C1GALT1: variants seen among roughly 807,000 people sequenced by gnomAD.
The protein encoded by C1GALT1 is core 1 synthase, glycoprotein-N-acetylgalactosamine 3-beta-galactosyltransferase 1, also known as glycoprotein-N-acetylgalactosamine 3-beta-galactosyltransferase 1.
C1GALT1 carries 11 observed loss-of-function variants against 31.0 expected under a neutral mutation model. The ratio of observed to expected loss-of-function variants is 0.36; its 90% confidence interval spans 0.22 to 0.59. The LOEUF (loss-of-function observed/expected upper bound fraction) is 0.59. Ranked by LOEUF, C1GALT1 falls within the 20% of genes least tolerant of loss-of-function variation. C1GALT1 has a pLI of 0.79. For missense variants in C1GALT1, 424 were observed against 425.2 expected, an observed-to-expected ratio of 1.00 and a Z score of 0.03; for synonymous variants, 175 against 143.6, an observed-to-expected ratio of 1.22 and a Z score of -1.56.
rs535824694 is a variant in C1GALT1 at position 7,242,379 on chromosome 7, A to G, written c.889-1145A>G. ...AAGAGTAGGTTGTCTAAGAATCTAC[A>G]TATCCAGTGTGTGTTTCAAAGGAAA... On this transcript the variant is annotated intron_variant, in intron 3 of 3. Transcript: ENST00000436587. 3.5e-4 allele frequency among the ~76,000 whole-genome samples: 54 copies of G among 152,154 alleles called. 1 individual carries two copies. The South Asian group carries it at 8.3e-3, about 23-fold the overall frequency.
chr7:7,212,486 G>C (rs758537163), intron 1 of C1GALT1, among the ~76,000 whole-genome samples: 2 of 152,184 alleles, frequency 1.3e-5, no homozygotes, highest in Non-Finnish European at 2.9e-5. Context: ...ATTACAGTTA[G>C]TCTCCAAATT....
chr7:7,215,068 C>T (rs1004491474), intron 1 of C1GALT1, among the ~76,000 whole-genome samples: 1 of 152,190 alleles, frequency 6.6e-6, no homozygotes, highest in African/African-American at 2.4e-5. Context: ...AGAAGACAGC[C>T]ACCATTGTAA....
chr7:7,231,063 C>T (rs927288298), intron 1 of C1GALT1, among the ~76,000 whole-genome samples: 8 of 152,058 alleles, frequency 5.3e-5, no homozygotes, highest in East Asian at 3.8e-4. Context: ...GTGATAAATT[C>T]ACTTAGGTTT....
intron 1 of C1GALT1, among the ~76,000 whole-genome samples, chr7:7,216,389 C>T (rs1204051771): frequency 6.6e-6 from 1 of 152,056 alleles, no homozygotes; most frequent in Non-Finnish European, 1.5e-5. Flanking sequence ...TCTGGATGAA[C>T]TAAGTAATGG....
intron 1 of C1GALT1, among the ~76,000 whole-genome samples, chr7:7,185,224 C>T (rs141341918): frequency 2.0e-5 from 3 of 152,074 alleles, no homozygotes; most frequent in Non-Finnish European, 2.9e-5. Context: ...ATTGAAGGGG[C>T]GTGTTGGGGG....
chr7:7,170,614 C>A (rs1780443178), intron 2 of C1GALT1, among the ~76,000 whole-genome samples: 1 of 152,138 alleles, frequency 6.6e-6, no homozygotes, highest in African/African-American at 2.4e-5. Flanking sequence ...GAAACCCCAT[C>A]TCTACTAAAA....
intron 1 of C1GALT1, among the ~76,000 whole-genome samples, chr7:7,227,548 G>GTCTC (rs1782826059): frequency 6.6e-6 from 1 of 151,872 alleles, no homozygotes; most frequent in African/African-American, 2.4e-5. Flanking sequence ...GTGAAACCCC[G>GTCTC]TCTCTACTAA....
rs1158225294 is a variant in C1GALT1 at position 7,245,802 on chromosome 7, G to A, written c.*2075G>A. 2 of 152,136 alleles carry A rather than the reference G, an allele frequency of 1.3e-5. No homozygotes were observed. Among genetic ancestry groups the A allele is most frequent in the African/African-American group, 2.4e-5 (1 of 41,428 alleles). 9.4% of individuals were successfully genotyped at this position (152,136 alleles called of 1,614,324 possible). A position where few individuals can be genotyped will look rare whatever the true frequency, so the allele number is the denominator to read the frequency against. On this transcript the variant is annotated 3_prime_UTR_variant, in exon 4 of 4. Coordinates refer to ENST00000436587, the MANE Select transcript of C1GALT1 (RefSeq NM_020156.5). ...AAATGAATATTGTGATGAATCCTGGGCTCTAGAGTCAGACTTGCTTGGGTT... is the reference window on the plus strand; with the variant it reads ...AAATGAATATTGTGATGAATCCTGGACTCTAGAGTCAGACTTGCTTGGGTT...
intron 2 of C1GALT1, among the ~76,000 whole-genome samples, chr7:7,162,516 T>C (rs1780345330): frequency 6.6e-6 from 1 of 151,882 alleles, no homozygotes. Context: ...AGTCTATCAT[T>C]GTTGGACATT....
At chr7:7,163,205 A>C (rs1481456060) in intron 2 of C1GALT1, among the ~76,000 whole-genome samples, 10 of 152,186 alleles carry the variant, frequency 6.6e-5, no homozygotes, top group Non-Finnish European at 1.3e-4. Context: ...CTATGTCCTG[A>C]ATGGTAATGC....
Position 7,244,009 on chromosome 7 carries a change from G to T in C1GALT1, c.*282G>T. ...GAGGAACTAGAAAAGAGATTTTGTT[G>T]CCTGTTTTCTGACCATCTGTGTTAT... On this transcript the variant is annotated 3_prime_UTR_variant, in exon 4 of 4. Transcript: ENST00000436587. 4.7e-6 allele frequency: 1 copy of T among 210,568 alleles called. No homozygotes were observed. The highest frequency in any genetic ancestry group is 9.4e-6 in the Non-Finnish European group (1 of 106,846). The allele number at this position is 210,568 out of a possible 1,614,324, so 13.0% of individuals were successfully genotyped here.
At chr7:7,184,107 T>C (rs1219436373) in intron 1 of C1GALT1, among the ~76,000 whole-genome samples, 2 of 152,144 alleles carry the variant, frequency 1.3e-5, no homozygotes, top group Non-Finnish European at 2.9e-5. Context: ...ATGCCCATGA[T>C]GCTGTATGTT....
chr7:7,224,284 GTCTT>G (rs1282731851), intron 1 of C1GALT1, among the ~76,000 whole-genome samples: 1 of 149,976 alleles, frequency 6.7e-6, no homozygotes, highest in African/African-American at 2.5e-5. Context: ...TTTTTGTACT[GTCTT>G]TGTTGGATTT....
At chr7:7,195,364 G>C (rs1177477667) in intron 1 of C1GALT1, among the ~76,000 whole-genome samples, 2 of 152,092 alleles carry the variant, frequency 1.3e-5, no homozygotes, top group Non-Finnish European at 2.9e-5. Flanking sequence ...GGTTTTGATA[G>C]GTTGTGTCAC....
At chr7:7,208,689 T>C (rs1781862214) in intron 1 of C1GALT1, among the ~76,000 whole-genome samples, 1 of 152,156 alleles carries the variant, frequency 6.6e-6, no homozygotes, top group Admixed American at 6.5e-5. Context: ...ACCTATATCT[T>C]CGTGATCAGA....
At chr7:7,237,159 A>G (rs930558979) in intron 2 of C1GALT1, among the ~76,000 whole-genome samples, 1 of 152,160 alleles carries the variant, frequency 6.6e-6, no homozygotes. Context: ...TATTTTTCTT[A>G]TAATTCATTT....
At chr7:7,222,442 G>A (rs1782552878) in intron 1 of C1GALT1, among the ~76,000 whole-genome samples, 2 of 152,264 alleles carry the variant, frequency 1.3e-5, no homozygotes, top group Admixed American at 6.5e-5. Context: ...ATTAGGTTGT[G>A]TATCTTGAGT....
chr7:7,242,024 T>C (rs1183375581), intron 3 of C1GALT1, among the ~76,000 whole-genome samples: 1 of 152,032 alleles, frequency 6.6e-6, no homozygotes, highest in African/African-American at 2.4e-5. Flanking sequence ...TAATATGCAC[T>C]GGACAGTATA....
Position 7,240,448 on chromosome 7 carries a change from T to C in C1GALT1, c.888+1526T>C, listed in dbSNP as rs1583839057. ...TGAGAGTACTACTTTGGATGCTTTT[T>C]TGATGTAAACTTTTCTTAATATATT... On this transcript the variant is annotated intron_variant, in intron 3 of 3. Coordinates refer to ENST00000436587, the MANE Select transcript of C1GALT1 (RefSeq NM_020156.5). 2.6e-5 allele frequency among the ~76,000 whole-genome samples: 4 copies of C among 152,310 alleles called. No individual in the cohort carries two copies. The South Asian group carries it at 6.2e-4, about 24-fold the overall frequency.
Sources: gnomAD v4.1 joint callset for allele counts (sites outside exome capture counted in the v4.1 genomes callset) on GRCh38, gnomAD v4.1.1 for gene constraint, MANE v1.5 for transcripts, NCBI Gene and HGNC (gene_info 2026-07-23, HGNC 2026-07-21) for gene names.